The following ZNF131 variants were observed in gnomAD, a reference collection of about 807,000 sequenced individuals.
ZNF131 encodes zinc finger protein 131.
ZNF131 carries 7 observed loss-of-function variants against 60.0 expected under a neutral mutation model. The observed-to-expected ratio is 0.12, with a 90% CI of 0.07 to 0.22. The LOEUF is 0.22. Ranked by LOEUF, ZNF131 falls within the 10% of genes least tolerant of loss-of-function variation. The pLI is 1.00. For synonymous variants in ZNF131, 257 were observed against 253.2 expected (o/e 1.01, Z -0.14); for missense variants, 493 against 740.9 (o/e 0.67, Z 3.88).
At chr5:43,131,548 A>G (rs1204825648) in intron 3 of ZNF131, among the ~76,000 whole-genome samples, 1 of 152,156 alleles carries the variant, frequency 6.6e-6, no homozygotes, top group Non-Finnish European at 1.5e-5. Context: ...CCCCCTCACA[A>G]GATTGTCAAC....
At chr5:43,134,634 TTTAGTA>T (rs1321591275) in intron 3 of ZNF131, among the ~76,000 whole-genome samples, 1 of 151,758 alleles carries the variant, frequency 6.6e-6, no homozygotes, top group African/African-American at 2.4e-5. Context: ...AACTAATAAA[TTTAGTA>T]AAGTTGCAGG....
chr5:43,125,445 C>A (rs1411488632), intron 3 of ZNF131, among the ~76,000 whole-genome samples: 1 of 151,478 alleles, frequency 6.6e-6, no homozygotes, highest in Non-Finnish European at 1.5e-5. Context: ...AGGCGTGAGA[C>A]CACGACTGGC....
In ZNF131 at chr5:43,142,184, A is replaced by C. The variant is rs190460405; in HGVS notation, c.371+2875A>C. Reference sequence around the variant, plus strand: ...GTGAAACCCCATCTCTACTAAAAATACAAAAAAAATTAGCCAGGCGTTGTG... The same window carrying C: ...GTGAAACCCCATCTCTACTAAAAATCCAAAAAAAATTAGCCAGGCGTTGTG... On this transcript the variant is annotated intron_variant, in intron 4 of 6. Transcript: ENST00000682664. 7.3e-4 allele frequency among the ~76,000 whole-genome samples: 111 copies of C among 151,684 alleles called. No homozygotes were observed. In the East Asian group the frequency reaches 0.02, roughly 27 times the overall value.
Position 43,122,165 on chromosome 5 carries a change from C to G in ZNF131, c.112C>G (p.Leu38Val). ...REQDRFTDIT[L>V]IVDGHHFKAH... ...GCAGGACCGGTTTACTGACATCACC[C>G]TAATTGTCGACGGTGGGTAGGGCAG... Residue 38 changes from leucine (L) to valine (V), a missense_variant, in exon 2 of 7, where the codon CTA becomes GTA. By Grantham distance (32) the Leu-to-Val change is conservative (BLOSUM62 1). Transcript: ENST00000682664. The G allele has an allele frequency of 1.9e-6, 3 of 1,613,682 alleles. No homozygotes were observed. Among genetic ancestry groups the G allele is most frequent in the Non-Finnish European group, 2.5e-6 (3 of 1,179,878 alleles).
intron 4 of ZNF131, among the ~76,000 whole-genome samples, chr5:43,148,227 T>C (rs62368862): frequency 4.6e-5 from 7 of 151,772 alleles, no homozygotes; most frequent in African/African-American, 1.7e-4. Context: ...AAAAAAATTT[T>C]AACTAGCTAT....
chr5:43,125,726 A>T (rs72748886), intron 3 of ZNF131, among the ~76,000 whole-genome samples: 14,699 of 151,800 alleles, frequency 0.097, 839 homozygotes, highest in East Asian at 0.19. Context: ...GGTTGTAGCG[A>T]GCTGAGTCAC....
At chr5:43,171,949 T>A (rs1751046223) in intron 5 of ZNF131, among the ~76,000 whole-genome samples, 2 of 152,136 alleles carry the variant, frequency 1.3e-5, no homozygotes, top group Non-Finnish European at 2.9e-5. Context: ...AGAGATGGGG[T>A]CTCACTATGT....
At chr5:43,125,940 CTAGA>C (rs1308538884) in intron 3 of ZNF131, among the ~76,000 whole-genome samples, 2 of 152,150 alleles carry the variant, frequency 1.3e-5, no homozygotes, top group Non-Finnish European at 2.9e-5. Flanking sequence ...TATTTGAATT[CTAGA>C]TAGATAAGAA....
At chr5:43,162,963 A>C (rs374900133) in intron 5 of ZNF131, among the ~76,000 whole-genome samples, 2 of 50,816 alleles carry the variant, frequency 3.9e-5, no homozygotes, top group African/African-American at 1.3e-4. Context: ...CTTTTCTTTT[A>C]TTTGCCTTTT....
intron 6 of ZNF131, 34 bp downstream of exon 6, chr5:43,173,482 A>G (rs1218114393): frequency 6.3e-7 from 1 of 1,596,642 alleles, no homozygotes; most frequent in Non-Finnish European, 8.6e-7. Context: ...GTTCTTAACA[A>G]AGGAGTCTTG....
intron 4 of ZNF131, among the ~76,000 whole-genome samples, chr5:43,160,098 C>T (rs1749469300): frequency 6.6e-6 from 1 of 151,730 alleles, no homozygotes; most frequent in Non-Finnish European, 1.5e-5. Flanking sequence ...ATGGCGTGAA[C>T]CTGGGAGGCG....
At chr5:43,160,678 C>CTTTTTTTGTTTTTT (rs1749571952) in intron 4 of ZNF131, among the ~76,000 whole-genome samples, 1 of 93,032 alleles carries the variant, frequency 1.1e-5, no homozygotes, top group East Asian at 3.9e-4. Flanking sequence ...TAGCTTGGAA[C>CTTTTTTTGTTTTTT]TTTTTTTTTT....
chr5:43,122,803 A>G (rs1028432932), intron 2 of ZNF131, among the ~76,000 whole-genome samples: 1 of 152,226 alleles, frequency 6.6e-6, no homozygotes, highest in African/African-American at 2.4e-5. Flanking sequence ...AATGTTTTTC[A>G]TAGCAGACAT....
intron 4 of ZNF131, among the ~76,000 whole-genome samples, chr5:43,159,993 G>A (rs28778331): frequency 0.064 from 9,713 of 151,700 alleles, 383 homozygotes; most frequent in South Asian, 0.13. Flanking sequence ...TGGCTAACAC[G>A]GTGAAACCCC....
rs1579932858 is a variant in ZNF131, at chr5:43,174,747, G to A, written c.1486G>A (p.Glu496Lys). 6.2e-7 allele frequency: 1 copy of A among 1,614,180 alleles called. No homozygotes were observed. Among genetic ancestry groups the A allele is most frequent in the Non-Finnish European group, 8.5e-7 (1 of 1,180,054 alleles). ...GGTGGATTCAGCACAAGTGACTGTG[G>A]AACAAGTCCATCCAGATCTGCTCCA... Reference protein sequence around the residue: ...VQVDSAQVTVEQVHPDLLQDS... With the variant: ...VQVDSAQVTVKQVHPDLLQDS... The change falls in exon 7 of 7, where the codon GAA (glutamate) becomes AAA (lysine). Residue 496 changes from glutamate to lysine, a missense_variant. Physicochemically the swap from Glu to Lys is moderately conservative, Grantham distance 56. Transcript: ENST00000682664.
chr5:43,121,911 C>G, intron 1 of ZNF131, 128 bp from the exon 2 acceptor site: 1 of 1,058,142 alleles, frequency 9.5e-7, no homozygotes, highest in African/African-American at 1.7e-5. Context: ...TCGCCTTTCT[C>G]TCCTCTTGCT....
intron 3 of ZNF131, among the ~76,000 whole-genome samples, chr5:43,126,395 G>C (rs564506882): frequency 6.6e-6 from 1 of 152,266 alleles, no homozygotes; most frequent in Non-Finnish European, 1.5e-5. Context: ...CAGGTCCCAG[G>C]TGTGCCATCC....
At chr5:43,123,701 G>C (rs1045859866) in intron 3 of ZNF131, 3 of 164,084 alleles carry the variant, frequency 1.8e-5, no homozygotes, top group African/African-American at 7.2e-5. Flanking sequence ...AGCTTTTACT[G>C]TACTCTATAG....
chr5:43,138,908 A>G (rs1219110418), intron 3 of ZNF131, among the ~76,000 whole-genome samples: 1 of 152,210 alleles, frequency 6.6e-6, no homozygotes, highest in Non-Finnish European at 1.5e-5. Flanking sequence ...GTAATAGCCA[A>G]TTCATATATT....
Sources: gnomAD v4.1 joint callset for allele counts (sites outside exome capture counted in the v4.1 genomes callset) on GRCh38, gnomAD v4.1.1 for gene constraint, MANE v1.5 for transcripts, NCBI Gene and HGNC (gene_info 2026-07-23, HGNC 2026-07-21) for gene names.